Variants in MEX3B observed in about 807,000 individuals in gnomAD.
MEX3B encodes mex-3 RNA binding family member B, also known as RNA-binding protein MEX3B.
A neutral mutation model predicts 12.2 loss-of-function variants in MEX3B; 10 were observed. The ratio of observed to expected loss-of-function variants is 0.82; its 90% CI spans 0.51 to 1.40. The LOEUF (loss-of-function observed/expected upper bound fraction) is 1.40. Ranked by LOEUF, MEX3B falls within the 40% of genes most tolerant of loss-of-function variation. The probability of loss-of-function intolerance (pLI) is 0.00; values close to 1 mark genes in which losing one functional copy is unlikely to be tolerated. For synonymous variants in MEX3B, 498 were observed against 356.3 expected (o/e 1.40, Z -4.48); for missense variants, 839 against 801.4 (o/e 1.05, Z -0.57).
In MEX3B at chr15:82,044,428, T is replaced by A. The variant is rs2073243523; in HGVS notation, c.442A>T (p.Asn148Tyr). The change falls in exon 2 of 2, where the codon AAC becomes TAC. Residue 148 changes from asparagine (N) to tyrosine (Y), a missense_variant. By Grantham distance (143) the Asn-to-Tyr change is moderately radical. Around this residue, in one of 3 missense-constraint regions of MEX3B, gnomAD observed 214 missense variants for 223.8 expected, o/e 0.96. Transcript: ENST00000329713. The surrounding 1 kb of genome is among the most constrained non-coding windows in gnomAD (Gnocchi z 5.3). ...RASRNKNTALNGAVPGPPNLP... is the reference protein window; with the variant it reads ...RASRNKNTALYGAVPGPPNLP... ...TTGGGCGGCCCAGGCACCGCGCCGT[T>A]GAGTGCCGTGTTCTTATTCCGGGAG... 6.2e-7 allele frequency: 1 copy of A among 1,612,478 alleles called. No homozygotes were observed. The highest frequency in any genetic ancestry group is 8.5e-7 in the Non-Finnish European group (1 of 1,179,894).
intron 1 of MEX3B, 40 bp downstream of exon 1, chr15:82,045,410 A>ACACCACCCCCCCCCCC: frequency 1.9e-6 from 3 of 1,577,544 alleles, no homozygotes; most frequent in Non-Finnish European, 1.7e-6. Context: ...CTGAGACCCT[A>ACACCACCCCCCCCCCC]CACCACCCCC....
Position 82,045,528 on chromosome 15 carries a change from G to A in MEX3B, c.178C>T (p.Arg60Cys). The change falls in exon 1 of 2, where the codon CGC becomes TGC. Residue 60 changes from arginine to cysteine, a missense_variant. By Grantham distance (180) the Arg-to-Cys change is radical (BLOSUM62 -3). This residue lies in a region of MEX3B where 214 missense variants were observed against 223.8 expected (regional missense o/e 0.96). Coordinates refer to ENST00000329713, the MANE Select transcript of MEX3B (RefSeq NM_032246.6). ...TCGGTCATGTTCACGCTCTTCTTGC[G>A]CGGCTCGCTGTCGTACAGAGAGGCG... ...EGASLYDSEP[R>C]KKSVNMTECV... is the part of the protein sequence containing the mutation. The A allele has an allele frequency of 6.2e-7, 1 of 1,612,446 alleles. No homozygotes were observed. Among genetic ancestry groups the A allele is most frequent in the Non-Finnish European group, 8.5e-7 (1 of 1,179,848 alleles).
chr15:82,043,700 A>G lies in MEX3B; in HGVS notation c.1170T>C (p.Ala390=), dbSNP rs1403681584. The G allele has an allele frequency of 2.5e-6, 4 of 1,600,350 alleles. No individual in the cohort carries two copies. The highest frequency in any genetic ancestry group is 3.4e-6 in the Non-Finnish European group (4 of 1,174,008). The change falls in exon 2 of 2, where the codon GCT becomes GCC. Residue 390 remains alanine, a synonymous_variant. Coordinates refer to ENST00000329713, the MANE Select transcript of MEX3B (RefSeq NM_032246.6). ...AAGAAGAGCAGGAAGAAGATACCGG[A>G]GCTGCAGGTCCGCCTCCCGGGGACC... ...FERSPGGGPA[A]PVSSSCSSSA...
In MEX3B at chr15:82,045,789, T is replaced by A. The variant is rs1053046421; in HGVS notation, c.-84A>T. 10 of 1,300,648 alleles carry A rather than the reference T, an allele frequency of 7.7e-6. No homozygotes were observed. Among genetic ancestry groups the A allele is most frequent in the Non-Finnish European group, 9.7e-6 (10 of 1,029,776 alleles). 80.6% of individuals were successfully genotyped at this position (1,300,648 alleles called of 1,614,324 possible). On this transcript the variant is annotated 5_prime_UTR_variant, in exon 1 of 2. Transcript: ENST00000329713. ...GCCACAAAGGCAGCCGGGAAGCGGGTGGTCAGGGGCGGGGAGGCCGGTCGC... is the reference window on the plus strand; with the variant it reads ...GCCACAAAGGCAGCCGGGAAGCGGGAGGTCAGGGGCGGGGAGGCCGGTCGC...
At position 82,045,729 on chromosome 15, in the gene MEX3B, C is replaced by A; in HGVS notation, c.-24G>T. On this transcript the variant is annotated 5_prime_UTR_variant, in exon 1 of 2. Coordinates refer to ENST00000329713, the MANE Select transcript of MEX3B (RefSeq NM_032246.6). ...ATCGCTCGGCCGTGCGCGCCGCGCC[C>A]CCGCCGGCCCTCGGCTCGGCGGCGA... 7.6e-7 allele frequency: 1 copy of A among 1,321,734 alleles called. No homozygotes were observed. Among genetic ancestry groups the A allele is most frequent in the Non-Finnish European group, 9.6e-7 (1 of 1,043,374 alleles). 81.9% of individuals were successfully genotyped at this position (1,321,734 alleles called of 1,614,324 possible).
chr15:82,043,602 T>C lies in MEX3B; in HGVS notation c.1268A>G (p.Asn423Ser). ...CCGGCGGTGCACCAATAGCCCCAGGTTGGCGTTGGAGGGCGCACTGGCGCC... is the reference window on the plus strand; with the variant it reads ...CCGGCGGTGCACCAATAGCCCCAGGCTGGCGTTGGAGGGCGCACTGGCGCC... The part of the protein sequence containing the change: ...GGGASAPSNA[N>S]LGLLVHRRLH... Residue 423 changes from asparagine (N) to serine (S), a missense_variant, in exon 2 of 2, where the codon AAC (asparagine) becomes AGC (serine). Around this residue, in one of 3 missense-constraint regions of MEX3B, gnomAD observed 573 missense variants for 488.9 expected, o/e 1.17. Coordinates refer to ENST00000329713, the MANE Select transcript of MEX3B (RefSeq NM_032246.6). 1 of 1,589,924 alleles carries C rather than the reference T, an allele frequency of 6.3e-7. No homozygotes were observed. Among genetic ancestry groups the C allele is most frequent in the Admixed American group, 1.8e-5 (1 of 55,258 alleles).
At position 82,043,834 on chromosome 15, in the gene MEX3B, C is replaced by T. The variant is rs763803793; in HGVS notation, c.1036G>A (p.Gly346Arg). 5 of 1,591,558 alleles carry T rather than the reference C, an allele frequency of 3.1e-6. No individual in the cohort carries two copies. The highest frequency in any genetic ancestry group is 2.7e-5 in the African/African-American group (2 of 74,254). The change falls in exon 2 of 2, where the codon GGA (glycine) becomes AGA (arginine). Residue 346 changes from glycine (G) to arginine (R), a missense_variant. Coordinates refer to ENST00000329713, the MANE Select transcript of MEX3B (RefSeq NM_032246.6). ...NGNGYTYTAGGEASVPSPDGC... is the reference protein window; with the variant it reads ...NGNGYTYTAGREASVPSPDGC... ...TCGGGGGATGGCACTGAGGCTTCTC[C>T]CCCCGCTGTGTAGGTGTACCCATTG...
chr15:82,043,671 G>A lies in MEX3B; in HGVS notation c.1199C>T (p.Ala400Val), dbSNP rs918962080. The A allele has an allele frequency of 1.9e-6, 3 of 1,610,522 alleles. No homozygotes were observed. The highest frequency in any genetic ancestry group is 1.6e-4 in the Middle Eastern group (1 of 6,074). Residue 400 changes from alanine to valine, a missense_variant, in exon 2 of 2, where the codon GCA becomes GTA. Coordinates refer to ENST00000329713, the MANE Select transcript of MEX3B (RefSeq NM_032246.6). ...APVSSSCSSS[A>V]SSSASSSSVV... ...GGAGGAGGAAGAAGCAGACGAAGATGCAGAAGAAGAGCAGGAAGAAGATAC... is the reference window on the plus strand; with the variant it reads ...GGAGGAGGAAGAAGCAGACGAAGATACAGAAGAAGAGCAGGAAGAAGATAC...
chr15:82,043,373 G>C lies in MEX3B; in HGVS notation c.1497C>G (p.Ser499=). 1 of 1,588,498 alleles carries C rather than the reference G, an allele frequency of 6.3e-7. No homozygotes were observed. The highest frequency in any genetic ancestry group is 1.3e-5 in the African/African-American group (1 of 74,442). The change falls in exon 2 of 2, where the codon TCC becomes TCG. Residue 499 remains serine, a synonymous_variant. Transcript: ENST00000329713. The part of the protein sequence containing the change: ...DTSGSSSSSS[S]SSSSSSSSSG... ...AGGAAGAGGATGAAGAGCTGGAGGAGGAGCTGGACGAAGAGGAGGAGCCCG... is the reference window on the plus strand; with the variant it reads ...AGGAAGAGGATGAAGAGCTGGAGGACGAGCTGGACGAAGAGGAGGAGCCCG...
rs199726400 is a variant in MEX3B at position 82,043,353 on chromosome 15, G to A, written c.1517C>T (p.Ser506Phe). The change falls in exon 2 of 2, where the codon TCT becomes TTT. Residue 506 changes from serine to phenylalanine, a missense_variant. This residue lies in a region of MEX3B where 573 missense variants were observed against 488.9 expected (regional missense o/e 1.17). Transcript: ENST00000329713. Reference protein sequence around the residue: ...SSSSSSSSSSSSSGLRRKGSR... With the variant: ...SSSSSSSSSSFSSGLRRKGSR... The stretch of plus-strand genomic sequence containing the variant: ...GCCTTTACGCCGAAGCCCGGAGGAA[G>A]AGGATGAAGAGCTGGAGGAGGAGCT... The A allele has an allele frequency of 3.8e-6, 6 of 1,592,568 alleles. No individual in the cohort carries two copies. In the East Asian group the frequency reaches 1.3e-4, roughly 36 times the overall value.
Position 82,044,765 on chromosome 15 carries a change from C to T in MEX3B, c.257-152G>A. 1.3e-6 allele frequency: 1 copy of T among 762,126 alleles called. No individual in the cohort carries two copies. Among genetic ancestry groups the T allele is most frequent in the African/African-American group, 1.7e-5 (1 of 57,766 alleles). 47.2% of individuals were successfully genotyped at this position (762,126 alleles called of 1,614,324 possible). ...GGAAAGGGGGCGTCTCCCTCACTGA[C>T]CTCGGGCCGCGCCACGGGCTGGGCA... On this transcript the variant is annotated intron_variant, in intron 1 of 1. Transcript: ENST00000329713. This position sits in a 1 kb window ranked among gnomAD's most constrained non-coding sequence, Gnocchi z 5.3.
rs375516050 is a variant in MEX3B at position 82,043,138 on chromosome 15, G to T, written c.*22C>A. 4.7e-5 allele frequency: 71 copies of T among 1,510,992 alleles called. No homozygotes were observed. The highest frequency in any genetic ancestry group is 6.0e-5 in the Non-Finnish European group (68 of 1,131,010). The allele number at this position is 1,510,992 out of a possible 1,614,324, so 93.6% of individuals were successfully genotyped here. On this transcript the variant is annotated 3_prime_UTR_variant, in exon 2 of 2. Coordinates refer to ENST00000329713, the MANE Select transcript of MEX3B (RefSeq NM_032246.6). ...GTTCCCCCTTCCCCCAGCACGGTGC[G>T]CACTAGCAGCGCCCGCTGCCTTTAA... is the stretch of plus-strand genomic sequence containing the variant.
At position 82,043,061 on chromosome 15, in the gene MEX3B, G is replaced by T. The variant is rs192443126; in HGVS notation, c.*99C>A. On this transcript the variant is annotated 3_prime_UTR_variant, in exon 2 of 2. Coordinates refer to ENST00000329713, the MANE Select transcript of MEX3B (RefSeq NM_032246.6). ...GTGGGGCCGGGAAGGAGAAGGGAGA[G>T]GGGGGGCACCCAGGGAGGCAGGCGA... 17 of 1,106,112 alleles carry T rather than the reference G, an allele frequency of 1.5e-5. No individual in the cohort carries two copies. Among genetic ancestry groups the T allele is most frequent in the South Asian group, 4.9e-5 (2 of 41,216 alleles). 68.5% of individuals were successfully genotyped at this position (1,106,112 alleles called of 1,614,324 possible).
Position 82,042,273 on chromosome 15 carries a change from G to C in MEX3B, c.*887C>G, listed in dbSNP as rs1050526195. ...TGAAGCAGATCTAGAAGATTTGTCT[G>C]AACCTATAAAATCTCCATCCCAACA... On this transcript the variant is annotated 3_prime_UTR_variant, in exon 2 of 2. Coordinates refer to ENST00000329713, the MANE Select transcript of MEX3B (RefSeq NM_032246.6). 1.3e-5 allele frequency: 2 copies of C among 152,496 alleles called. No individual in the cohort carries two copies. Among genetic ancestry groups the C allele is most frequent in the Non-Finnish European group, 2.9e-5 (2 of 68,016 alleles). 9.4% of individuals were successfully genotyped at this position (152,496 alleles called of 1,614,324 possible).
At chr15:82,045,237 A>G in intron 1 of MEX3B, 1 of 679,998 alleles carries the variant, frequency 1.5e-6, no homozygotes, top group East Asian at 2.7e-5. Flanking sequence ...TTTTAGCAGA[A>G]GAAAGTGCAT....
At position 82,045,785 on chromosome 15, in the gene MEX3B, C is replaced by A. The variant is rs2073254884; in HGVS notation, c.-80G>T. On this transcript the variant is annotated 5_prime_UTR_variant, in exon 1 of 2. Coordinates refer to ENST00000329713, the MANE Select transcript of MEX3B (RefSeq NM_032246.6). ...TGCGGCCACAAAGGCAGCCGGGAAG[C>A]GGGTGGTCAGGGGCGGGGAGGCCGG... is the stretch of plus-strand genomic sequence containing the variant. 2.3e-6 allele frequency: 3 copies of A among 1,306,524 alleles called. No homozygotes were observed. Among genetic ancestry groups the A allele is most frequent in the Non-Finnish European group, 2.9e-6 (3 of 1,034,408 alleles). 80.9% of individuals were successfully genotyped at this position (1,306,524 alleles called of 1,614,324 possible).
At position 82,044,646 on chromosome 15, in the gene MEX3B, G is replaced by A. The variant is rs761551168; in HGVS notation, c.257-33C>T. On this transcript the variant is annotated intron_variant, in intron 1 of 1. Coordinates refer to ENST00000329713, the MANE Select transcript of MEX3B (RefSeq NM_032246.6). This position sits in a 1 kb window ranked among gnomAD's most constrained non-coding sequence, Gnocchi z 5.3. ...CCAGGGTGCGGAGGAGGGAGTGGGAGAGAGAGACAGACACGCCCATTATCC... is the reference window on the plus strand; with the variant it reads ...CCAGGGTGCGGAGGAGGGAGTGGGAAAGAGAGACAGACACGCCCATTATCC... The A allele has an allele frequency of 7.5e-6, 12 of 1,607,786 alleles. No individual in the cohort carries two copies. In the East Asian group the frequency reaches 8.9e-5, roughly 12 times the overall value.
In MEX3B at chr15:82,042,992, GGA is replaced by G; in HGVS notation, c.*166_*167del. 2.1e-6 allele frequency: 1 copy of G among 477,906 alleles called. No homozygotes were observed. The highest frequency in any genetic ancestry group is 3.4e-6 in the Non-Finnish European group (1 of 292,024). The allele number at this position is 477,906 out of a possible 1,614,324, so 29.6% of individuals were successfully genotyped here. On this transcript the variant is annotated 3_prime_UTR_variant, in exon 2 of 2. Coordinates refer to ENST00000329713, the MANE Select transcript of MEX3B (RefSeq NM_032246.6). ...TAAAAATTAAATTTTAAAAATGAGC[GGA>G]TACTACAGCTTTCCAAGCTCCTCTC...
chr15:82,043,967 G>T lies in MEX3B; in HGVS notation c.903C>A (p.Phe301Leu). The T allele has an allele frequency of 1.2e-6, 2 of 1,609,060 alleles. No homozygotes were observed. Among genetic ancestry groups the T allele is most frequent in the Non-Finnish European group, 1.7e-6 (2 of 1,179,772 alleles). Residue 301 changes from phenylalanine to leucine, a missense_variant, in exon 2 of 2, where the codon TTC becomes TTA. By Grantham distance (22) the Phe-to-Leu change is conservative. This residue lies in a region of MEX3B where 573 missense variants were observed against 488.9 expected (regional missense o/e 1.17). Coordinates refer to ENST00000329713, the MANE Select transcript of MEX3B (RefSeq NM_032246.6). ...CTGCGCTGCTGCTGGTCCCGCCGCC[G>T]AAATAAGAGTCTGTGGAAGCACTGC... is the stretch of plus-strand genomic sequence containing the variant. ...SLGSASTDSY[F>L]GGGTSSSAAA...
Sources: gnomAD v4.1 joint callset for allele counts on GRCh38, gnomAD v4.1.1 for gene constraint, gnomAD v4.1.1 regional missense constraint, Gnocchi (gnomAD v3.1) non-coding constraint, MANE v1.5 for transcripts, NCBI Gene and HGNC (gene_info 2026-07-23, HGNC 2026-07-21) for gene names.